Variants in RARB observed in about 807,000 individuals in gnomAD.
RARB encodes the protein HBV-activated protein.
In RARB, 17 loss-of-function variants were observed where a neutral mutation model predicts 51.9. That is an observed-to-expected ratio of 0.33 (90% CI 0.22 to 0.49). RARB has a LOEUF of 0.49. Among genes scored for constraint, RARB ranks in the 20% least tolerant of loss-of-function variants. The pLI is 0.99. For synonymous variants in RARB, 215 were observed against 195.4 expected, an observed-to-expected ratio of 1.10 and a Z score of -0.84; for missense variants, 369 against 550.8, an observed-to-expected ratio of 0.67 and a Z score of 3.30.
At chr3:24,892,235 AG>A (rs906681825) in intron 2 of RARB, among the ~76,000 whole-genome samples, 3 of 140,324 alleles carry the variant, frequency 2.1e-5, no homozygotes, top group African/African-American at 5.1e-5. Flanking sequence ...AAAAAAAAAA[AG>A]GGATGTAGGT....
intron 3 of RARB, among the ~76,000 whole-genome samples, chr3:25,103,991 G>T (rs1699452424): frequency 6.6e-6 from 1 of 152,194 alleles, no homozygotes; most frequent in African/African-American, 2.4e-5. Flanking sequence ...TATTGTGAAA[G>T]TGTGGACACT....
At chr3:25,429,222 C>T (rs2125513651) in intron 1 of RARB, among the ~76,000 whole-genome samples, 1 of 152,248 alleles carries the variant, frequency 6.6e-6, no homozygotes, top group East Asian at 1.9e-4. Context: ...TCAAGTAGGG[C>T]AATTTGACAC....
intron 2 of RARB, among the ~76,000 whole-genome samples, chr3:25,023,475 A>C (rs1203916535): frequency 6.8e-6 from 1 of 146,788 alleles, no homozygotes; most frequent in Non-Finnish European, 1.5e-5. Flanking sequence ...TGTGTTTATG[A>C]GCACTCACAG....
At chr3:25,401,377 C>G (rs1004420971) in intron 5 of RARB, among the ~76,000 whole-genome samples, 1 of 152,052 alleles carries the variant, frequency 6.6e-6, no homozygotes, top group African/African-American at 2.4e-5. Flanking sequence ...TCATCTAGAG[C>G]CTTTATAATT....
At chr3:24,998,721 C>G (rs1697096264) in intron 2 of RARB, among the ~76,000 whole-genome samples, 1 of 151,802 alleles carries the variant, frequency 6.6e-6, no homozygotes, top group Admixed American at 6.6e-5. Context: ...TTTTTTCTTT[C>G]TCAGAAACTC....
chr3:25,503,977 A>G (rs4260361), intron 3 of RARB, among the ~76,000 whole-genome samples: 8,963 of 152,266 alleles, frequency 0.059, 292 homozygotes, highest in Non-Finnish European at 0.078. Context: ...CTACAGTGAA[A>G]TCGGCCACCT....
intron 1 of RARB, among the ~76,000 whole-genome samples, chr3:24,856,372 T>C (rs1702636756): frequency 6.6e-6 from 1 of 152,138 alleles, no homozygotes; most frequent in African/African-American, 2.4e-5. Flanking sequence ...TAGAAACATG[T>C]CCTGACCCAC....
intron 2 of RARB, among the ~76,000 whole-genome samples, chr3:25,023,978 C>A (rs1419644945): frequency 6.6e-6 from 1 of 152,022 alleles, no homozygotes; most frequent in Non-Finnish European, 1.5e-5. Flanking sequence ...TGGACAATTC[C>A]CTGGCTCTCC....
chr3:24,830,843 T>A (rs1702272879), intron 1 of RARB, among the ~76,000 whole-genome samples: 1 of 152,110 alleles, frequency 6.6e-6, no homozygotes, highest in Admixed American at 6.5e-5. Context: ...TTTAAAAGCA[T>A]CTTGCCTAAT....
At chr3:25,131,574 A>T (rs1005490598) in intron 3 of RARB, among the ~76,000 whole-genome samples, 1 of 151,976 alleles carries the variant, frequency 6.6e-6, no homozygotes, top group Non-Finnish European at 1.5e-5. Flanking sequence ...ATAATTTCTC[A>T]AAGTTTCTCA....
intron 2 of RARB, among the ~76,000 whole-genome samples, chr3:25,044,026 A>AT (rs145869117): frequency 0.16 from 23,978 of 148,756 alleles, 1,941 homozygotes; most frequent in South Asian, 0.21. Context: ...AGGTTTTCCC[A>AT]TTTTTTTTTT....
At chr3:24,900,333 G>A (rs572857799) in intron 2 of RARB, among the ~76,000 whole-genome samples, 1 of 152,312 alleles carries the variant, frequency 6.6e-6, no homozygotes, top group East Asian at 1.9e-4. Context: ...ATGAAAGAGA[G>A]AGGCTGATTA....
chr3:25,311,764 A>G (rs939678382), intron 5 of RARB, among the ~76,000 whole-genome samples: 1 of 152,194 alleles, frequency 6.6e-6, no homozygotes, highest in African/African-American at 2.4e-5. Flanking sequence ...TTTCAATAAG[A>G]ATGGCTTTCC....
chr3:25,206,610 A>G (rs1242347940), intron 5 of RARB, among the ~76,000 whole-genome samples: 1 of 152,102 alleles, frequency 6.6e-6, no homozygotes, highest in Non-Finnish European at 1.5e-5. Context: ...CGTGTGCTTG[A>G]GAAACCCCTT....
chr3:25,477,141 A>G (rs1695992299), intron 2 of RARB, among the ~76,000 whole-genome samples: 1 of 152,238 alleles, frequency 6.6e-6, no homozygotes, highest in Admixed American at 6.5e-5. Flanking sequence ...GTCCTAACAG[A>G]TCAGAAAGGA....
intron 2 of RARB, among the ~76,000 whole-genome samples, chr3:25,475,523 T>A (rs1439880814): frequency 6.6e-6 from 1 of 152,228 alleles, no homozygotes; most frequent in Admixed American, 6.5e-5. Flanking sequence ...TATAAGAATA[T>A]ATAAAACAGA....
At chr3:25,541,597 C>G (rs1202720276) in intron 3 of RARB, among the ~76,000 whole-genome samples, 1 of 152,180 alleles carries the variant, frequency 6.6e-6, no homozygotes, top group Non-Finnish European at 1.5e-5. Flanking sequence ...GTGGATGCCC[C>G]TGACAGTCAA....
intron 2 of RARB, among the ~76,000 whole-genome samples, chr3:24,876,993 G>A (rs76901334): frequency 2.0e-4 from 30 of 152,138 alleles, no homozygotes; most frequent in African/African-American, 7.2e-4. Flanking sequence ...AGAACACTTA[G>A]GACTCAGAGC....
intron 2 of RARB, among the ~76,000 whole-genome samples, chr3:24,912,913 G>A (rs1461670809): frequency 6.8e-6 from 1 of 148,036 alleles, no homozygotes; most frequent in Non-Finnish European, 1.5e-5. Flanking sequence ...CAGGTATGTT[G>A]TCTCTTAAGA....
Sources: allele counts gnomAD v4.1 joint callset (sites outside exome capture counted in the v4.1 genomes callset), GRCh38; gene constraint gnomAD v4.1.1; transcripts MANE v1.5; gene names NCBI Gene and HGNC (gene_info 2026-07-23, HGNC 2026-07-21).